Variants in ADCY3 observed in about 807,000 individuals in gnomAD.
The protein encoded by ADCY3 is adenylate cyclase type 3.
A neutral mutation model predicts 119.4 loss-of-function variants in ADCY3; 70 were observed. That is an observed-to-expected ratio of 0.59 (90% CI 0.48 to 0.72). The LOEUF (loss-of-function observed/expected upper bound fraction) is 0.72. Ranked by LOEUF, ADCY3 falls within the 30% of genes least tolerant of loss-of-function variation. The pLI is 0.00. For synonymous variants in ADCY3, 672 were observed against 621.4 expected, an observed-to-expected ratio of 1.08 and a Z score of -1.21; for missense variants, 1,238 against 1,541.6, an observed-to-expected ratio of 0.80 and a Z score of 3.30.
chr2:24,891,321 T>C (rs1257445509), intron 2 of ADCY3, among the ~76,000 whole-genome samples: 1 of 152,236 alleles, frequency 6.6e-6, no homozygotes, highest in African/African-American at 2.4e-5. Flanking sequence ...AGTAGTGTGA[T>C]GAACTCTAGT....
chr2:24,890,266 G>A (rs781071770), intron 2 of ADCY3, among the ~76,000 whole-genome samples: 10 of 152,124 alleles, frequency 6.6e-5, no homozygotes, highest in Non-Finnish European at 1.5e-4. Context: ...GTGCATGAGG[G>A]ATATTCATCT....
At chr2:24,903,005 G>A (rs60243631) in intron 2 of ADCY3, among the ~76,000 whole-genome samples, 1 of 151,950 alleles carries the variant, frequency 6.6e-6, no homozygotes, top group Non-Finnish European at 1.5e-5. Flanking sequence ...AAATTAGCTT[G>A]GTGTGGTGGC....
At chr2:24,876,453 T>C (rs1272936975) in intron 2 of ADCY3, among the ~76,000 whole-genome samples, 1 of 152,234 alleles carries the variant, frequency 6.6e-6, no homozygotes, top group Non-Finnish European at 1.5e-5. Flanking sequence ...CCATACACAG[T>C]GGTGGCCATT....
At position 24,821,629 on chromosome 2, in the gene ADCY3, G is replaced by A. The variant is rs755247497; in HGVS notation, c.3015C>T (p.Ser1005=). 3.4e-5 allele frequency: 55 copies of A among 1,613,882 alleles called. No individual in the cohort carries two copies. Among genetic ancestry groups the A allele is most frequent in the South Asian group, 7.7e-5 (7 of 91,084 alleles). The change falls in exon 20 of 22, where the codon TCC becomes TCT. Residue 1005 remains serine, a synonymous_variant. Transcript: ENST00000679454. ...CCAGGTGCTGCCAGCGCTCTCTCTC[G>A]GACTTGTCTTCCTGTGCCAGGGGAC... ...GFASSNKEDK[S]ERERWQHLAD...
At position 24,823,370 on chromosome 2, in the gene ADCY3, G is replaced by T; in HGVS notation, c.2737-15C>A. The stretch of plus-strand genomic sequence containing the variant: ...CTATACAGCTCCTAAAAAGAGGTGC[G>T]GACAACGTGCTCAAAGCATGTCCGA... On this transcript the variant is annotated splice_polypyrimidine_tract_variant and intron_variant, in intron 17 of 21. Transcript: ENST00000679454. 2 of 1,608,848 alleles carry T rather than the reference G, an allele frequency of 1.2e-6. No homozygotes were observed. The highest frequency in any genetic ancestry group is 1.1e-5 in the South Asian group (1 of 90,094).
rs936304080 is a variant in ADCY3, at chr2:24,830,912, T to C, written c.2056-87A>G. 6 of 1,046,148 alleles carry C rather than the reference T, an allele frequency of 5.7e-6. No homozygotes were observed. The Admixed American group carries it at 1.2e-4, about 20-fold the overall frequency. 64.8% of individuals were successfully genotyped at this position (1,046,148 alleles called of 1,614,324 possible). The stretch of plus-strand genomic sequence containing the variant: ...CTGACAGCAACTCAGGCTGGTCCCG[T>C]ATTCCAGTCCCAGGAGCCTCAAAAC... On this transcript the variant is annotated intron_variant, in intron 12 of 21. Transcript: ENST00000679454.
At chr2:24,896,745 T>A (rs1678336969) in intron 2 of ADCY3, among the ~76,000 whole-genome samples, 1 of 151,986 alleles carries the variant, frequency 6.6e-6, no homozygotes, top group Non-Finnish European at 1.5e-5. Flanking sequence ...TTTCTGGAGA[T>A]CTTTCTCTTT....
chr2:24,893,319 C>T (rs139259114), intron 2 of ADCY3, among the ~76,000 whole-genome samples: 54 of 152,054 alleles, frequency 3.6e-4, no homozygotes, highest in African/African-American at 1.2e-3. Context: ...TGCAGTGAGC[C>T]GAGATCACGC....
chr2:24,842,922 C>T lies in ADCY3; in HGVS notation c.826-538G>A, dbSNP rs1250102358. On this transcript the variant is annotated intron_variant, in intron 3 of 21. Transcript: ENST00000679454. The surrounding 1 kb of genome is among the most constrained non-coding windows in gnomAD (Gnocchi z 4.9). ...ACACAGGTAACCATGCCCAGCACAG[C>T]GCAGCATGGCAAGTTCTGTGCCCAG... is the stretch of plus-strand genomic sequence containing the variant. Among the ~76,000 whole-genome samples, 5 of 152,288 alleles carry T rather than the reference C, an allele frequency of 3.3e-5. No homozygotes were observed. Among genetic ancestry groups the T allele is most frequent in the South Asian group, 4.1e-4 (2 of 4,824 alleles).
intron 6 of ADCY3, among the ~76,000 whole-genome samples, chr2:24,840,785 G>T (rs370151346): frequency 6.6e-6 from 1 of 152,176 alleles, no homozygotes; most frequent in Non-Finnish European, 1.5e-5. Flanking sequence ...ACAGCCTAAG[G>T]CTGGAGCACA....
chr2:24,881,180 C>A (rs968773252), intron 2 of ADCY3, among the ~76,000 whole-genome samples: 2 of 152,156 alleles, frequency 1.3e-5, no homozygotes, highest in African/African-American at 4.8e-5. Context: ...ACACTAAGAA[C>A]CTCACTGGTA....
intron 2 of ADCY3, among the ~76,000 whole-genome samples, chr2:24,915,958 G>A (rs911485238): frequency 4.6e-5 from 7 of 152,132 alleles, no homozygotes; most frequent in Non-Finnish European, 1.0e-4. Context: ...CCAAACCAGT[G>A]ACTCAGAAGC....
intron 2 of ADCY3, among the ~76,000 whole-genome samples, chr2:24,887,009 C>T (rs1018517559): frequency 1.3e-5 from 2 of 152,256 alleles, no homozygotes; most frequent in African/African-American, 4.8e-5. Flanking sequence ...CAGCTTTCTT[C>T]CTGTATTAGT....
intron 2 of ADCY3, among the ~76,000 whole-genome samples, chr2:24,908,606 G>A (rs748023755): frequency 8.6e-6 from 1 of 116,262 alleles, no homozygotes; most frequent in Non-Finnish European, 1.7e-5. Context: ...AGTTTAAAGC[G>A]CCTCTATATA....
intron 3 of ADCY3, among the ~76,000 whole-genome samples, chr2:24,864,775 G>A (rs1324399940): frequency 2.0e-5 from 3 of 152,150 alleles, no homozygotes; most frequent in South Asian, 4.1e-4. Context: ...TTCTGGAAAC[G>A]GACAGTGGTG....
At chr2:24,873,620 C>A (rs534758780) in intron 2 of ADCY3, among the ~76,000 whole-genome samples, 2 of 152,348 alleles carry the variant, frequency 1.3e-5, no homozygotes, top group East Asian at 3.9e-4. Flanking sequence ...GGCGGCCAGG[C>A]CTGGCTGCTG....
intron 2 of ADCY3, among the ~76,000 whole-genome samples, chr2:24,875,119 G>A (rs1023468003): frequency 6.6e-6 from 1 of 151,352 alleles, no homozygotes; most frequent in Non-Finnish European, 1.5e-5. Flanking sequence ...GGCCAGGCAA[G>A]GTTGTCCATC....
chr2:24,825,358 G>GT (rs1668471052), intron 16 of ADCY3, among the ~76,000 whole-genome samples: 2 of 69,308 alleles, frequency 2.9e-5, no homozygotes, highest in Admixed American at 1.5e-4. Context: ...GTGCGGGGGG[G>GT]GTGTCTCACT....
In ADCY3 at chr2:24,918,300, G is replaced by A; in HGVS notation, c.675+13C>T. The A allele has an allele frequency of 6.5e-7, 1 of 1,544,286 alleles. No individual in the cohort carries two copies. Among genetic ancestry groups the A allele is most frequent in the Admixed American group, 2.0e-5 (1 of 51,046 alleles). On this transcript the variant is annotated intron_variant, in intron 2 of 21. Coordinates refer to ENST00000679454, the MANE Select transcript of ADCY3 (RefSeq NM_004036.5). This position sits in a 1 kb window ranked among gnomAD's most constrained non-coding sequence, Gnocchi z 5.4. ...GGAGAGGACGCTGTGGGGGGACAGT[G>A]GGCAGGACTCACCTCCCGCAGCAGC...
Sources: gnomAD v4.1 joint callset for allele counts (sites outside exome capture counted in the v4.1 genomes callset) on GRCh38, gnomAD v4.1.1 for gene constraint, Gnocchi (gnomAD v3.1) non-coding constraint, MANE v1.5 for transcripts, NCBI Gene and HGNC (gene_info 2026-07-23, HGNC 2026-07-21) for gene names.